MTUS2: variants seen among roughly 807,000 people sequenced by gnomAD.
MTUS2 encodes the protein microtubule associated scaffold protein 2, also known as microtubule-associated tumor suppressor candidate 2.
Under a neutral mutation model 114.1 loss-of-function variants are expected in MTUS2, and 40 were observed. That is an observed-to-expected ratio of 0.35 (90% CI 0.27 to 0.46). The LOEUF (loss-of-function observed/expected upper bound fraction) is 0.46. MTUS2 is among the 20% of genes least tolerant of loss of function. The probability of loss-of-function intolerance (pLI) is 1.00; values close to 1 mark genes in which losing one functional copy is unlikely to be tolerated. For missense variants in MTUS2, 1,679 were observed against 1,705.4 expected (o/e 0.98, Z 0.27); for synonymous variants, 688 against 672.0 (o/e 1.02, Z -0.37).
At chr13:29,350,650 G>A (rs781339168) in intron 7 of MTUS2, among the ~76,000 whole-genome samples, 48 of 151,842 alleles carry the variant, frequency 3.2e-4, no homozygotes, top group Non-Finnish European at 5.9e-4. Context: ...GTCCGCTTGG[G>A]CTGCTATAAC....
At chr13:29,206,395 G>C (rs1271576088) in intron 5 of MTUS2, among the ~76,000 whole-genome samples, 1 of 152,166 alleles carries the variant, frequency 6.6e-6, no homozygotes, top group Non-Finnish European at 1.5e-5. Context: ...TTACGGTGCA[G>C]AAGCTTTTTA....
At chr13:29,127,503 G>T (rs1238100666) in intron 5 of MTUS2, among the ~76,000 whole-genome samples, 1 of 152,172 alleles carries the variant, frequency 6.6e-6, no homozygotes, top group Non-Finnish European at 1.5e-5. Context: ...CAAAACTGAG[G>T]CTTCCCTGAA....
At chr13:29,472,385 C>A (rs1406618548) in intron 9 of MTUS2, among the ~76,000 whole-genome samples, 4 of 152,164 alleles carry the variant, frequency 2.6e-5, no homozygotes, top group Non-Finnish European at 2.9e-5. Flanking sequence ...ACATTGTCAT[C>A]AAAAATCAGT....
intron 2 of MTUS2, among the ~76,000 whole-genome samples, chr13:28,841,107 T>C (rs1001491984): frequency 6.8e-6 from 1 of 148,108 alleles, no homozygotes; most frequent in Non-Finnish European, 1.5e-5. Context: ...AGATTTGCTT[T>C]CAGAATGTCG....
intron 8 of MTUS2, among the ~76,000 whole-genome samples, chr13:29,387,510 A>G (rs1453318601): frequency 6.6e-6 from 1 of 152,170 alleles, no homozygotes; most frequent in Non-Finnish European, 1.5e-5. Flanking sequence ...ACATGTGACA[A>G]TCTAGGTCAT....
At chr13:29,325,181 C>T (rs551345335) in intron 7 of MTUS2, among the ~76,000 whole-genome samples, 2 of 152,256 alleles carry the variant, frequency 1.3e-5, no homozygotes, top group South Asian at 2.1e-4. Flanking sequence ...CCTGGCCAGG[C>T]GTGGTGGCTC....
chr13:29,355,561 T>A (rs1441490628), intron 7 of MTUS2, among the ~76,000 whole-genome samples: 1 of 152,244 alleles, frequency 6.6e-6, no homozygotes, highest in Admixed American at 6.5e-5. Context: ...GCCAGGCTCC[T>A]ACAGGACAAT....
intron 8 of MTUS2, among the ~76,000 whole-genome samples, chr13:29,431,404 A>G (rs1876979631): frequency 6.6e-6 from 1 of 152,320 alleles, no homozygotes; most frequent in East Asian, 1.9e-4. Flanking sequence ...GCCGGCCCTT[A>G]TGTAGTTTAC....
At chr13:29,481,183 C>T (rs76096292) in intron 10 of MTUS2, among the ~76,000 whole-genome samples, 9 of 152,316 alleles carry the variant, frequency 5.9e-5, no homozygotes, top group Non-Finnish European at 1.0e-4. Flanking sequence ...GGTTAACCTT[C>T]GCCCAGAAAC....
intron 2 of MTUS2, among the ~76,000 whole-genome samples, chr13:28,971,671 T>C (rs1883862668): frequency 6.6e-6 from 1 of 152,214 alleles, no homozygotes; most frequent in African/African-American, 2.4e-5. Flanking sequence ...CAGCACCACC[T>C]TACGTTTTCA....
chr13:29,328,080 G>T (rs1900602522), intron 7 of MTUS2, among the ~76,000 whole-genome samples: 1 of 151,706 alleles, frequency 6.6e-6, no homozygotes, highest in South Asian at 2.1e-4. Flanking sequence ...TTTTAAATTG[G>T]GTTGTTTTCT....
At chr13:29,340,391 A>G (rs1470224970) in intron 7 of MTUS2, among the ~76,000 whole-genome samples, 8 of 152,238 alleles carry the variant, frequency 5.3e-5, no homozygotes, top group Non-Finnish European at 4.4e-5. Flanking sequence ...AATGAACACA[A>G]TACACTTGGA....
Position 29,389,454 on chromosome 13 carries a change from CGT to C in MTUS2, c.3117+29988_3117+29989del, listed in dbSNP as rs1415339502. Among the ~76,000 whole-genome samples, 82 of 94,556 alleles carry C rather than the reference CGT, an allele frequency of 8.7e-4. 4 individuals are homozygous for C. Among genetic ancestry groups the C allele is most frequent in the Middle Eastern group, 7.1e-3 (1 of 140 alleles). 62.0% of individuals were successfully genotyped at this position (94,556 alleles called of 152,430 possible). ...ACGTGTGTGTATGTGTATGTATACA[CGT>C]GTGTGTATGTGTATATGTATACACG... On this transcript the variant is annotated intron_variant, in intron 8 of 15. Coordinates refer to ENST00000612955, the MANE Select transcript of MTUS2 (RefSeq NM_001033602.4).
At chr13:29,282,392 A>G (rs1198007015) in intron 6 of MTUS2, among the ~76,000 whole-genome samples, 1 of 152,232 alleles carries the variant, frequency 6.6e-6, no homozygotes, top group African/African-American at 2.4e-5. Flanking sequence ...CAGTCCAGCA[A>G]AACTGATCCC....
chr13:29,072,874 C>G (rs1256159619), intron 4 of MTUS2, among the ~76,000 whole-genome samples: 1 of 152,206 alleles, frequency 6.6e-6, no homozygotes, highest in African/African-American at 2.4e-5. Flanking sequence ...CGTATCTTTT[C>G]AAACAGTGTC....
At chr13:29,041,058 G>A (rs918331924) in intron 4 of MTUS2, among the ~76,000 whole-genome samples, 18 of 152,006 alleles carry the variant, frequency 1.2e-4, no homozygotes, top group African/African-American at 4.1e-4. Context: ...GGGTTTTTCC[G>A]ATGTTATCTT....
chr13:29,364,227 G>C (rs943121334), intron 8 of MTUS2, among the ~76,000 whole-genome samples: 42 of 152,202 alleles, frequency 2.8e-4, no homozygotes, highest in African/African-American at 9.9e-4. Flanking sequence ...GTGCTCAAGT[G>C]GAAGCCTCAT....
At chr13:28,945,186 T>C (rs1216866097) in intron 2 of MTUS2, among the ~76,000 whole-genome samples, 4 of 149,308 alleles carry the variant, frequency 2.7e-5, no homozygotes, top group African/African-American at 1.0e-4. Context: ...CCATTATATA[T>C]ATATATATAC....
chr13:29,492,529 TG>T (rs1882262787), intron 11 of MTUS2, 116 bp from the exon 12 acceptor site: 1 of 706,516 alleles, frequency 1.4e-6, no homozygotes, highest in East Asian at 2.7e-5. Context: ...GGCTTGAATC[TG>T]CTATACGGGA....
Sources: gnomAD v4.1 joint callset for allele counts (sites outside exome capture counted in the v4.1 genomes callset) on GRCh38, gnomAD v4.1.1 for gene constraint, MANE v1.5 for transcripts, NCBI Gene and HGNC (gene_info 2026-07-23, HGNC 2026-07-21) for gene names.